Variants in LRCH1 observed in about 807,000 individuals in gnomAD.
LRCH1 encodes the protein leucine-rich repeat and calponin homology domain-containing protein 1.
In LRCH1, 23 loss-of-function variants were observed where a neutral mutation model predicts 94.9. The observed-to-expected ratio is 0.24, with a 90% CI of 0.17 to 0.34. The LOEUF is 0.34. LRCH1 is among the 10% of genes least tolerant of loss of function. The probability of loss-of-function intolerance (pLI) is 1.00; values close to 1 mark genes in which losing one functional copy is unlikely to be tolerated. For missense variants in LRCH1, 790 were observed against 945.9 expected (o/e 0.84, Z 2.16); for synonymous variants, 364 against 354.9 (o/e 1.03, Z -0.29).
intron 8 of LRCH1, 147 bp from the exon 9 acceptor site, chr13:46,694,746 G>A (rs1403960883): frequency 1.1e-5 from 8 of 749,468 alleles, no homozygotes; most frequent in Non-Finnish European, 2.1e-6. Context: ...CCTCCCTGCA[G>A]GGAAGAGAAA....
intron 1 of LRCH1, among the ~76,000 whole-genome samples, chr13:46,622,840 T>G (rs889659690): frequency 2.0e-5 from 3 of 152,352 alleles, no homozygotes; most frequent in South Asian, 4.1e-4. Context: ...GGCTTTTCTG[T>G]TGAGAACGTT....
intron 9 of LRCH1, among the ~76,000 whole-genome samples, chr13:46,698,148 T>C (rs1016565780): frequency 3.9e-5 from 6 of 152,202 alleles, no homozygotes; most frequent in African/African-American, 1.4e-4. Flanking sequence ...GAGTCCAGCA[T>C]TGGGCAGCTA....
intron 1 of LRCH1, among the ~76,000 whole-genome samples, chr13:46,625,664 G>GTT (rs1484145156): frequency 9.0e-5 from 5 of 55,420 alleles, no homozygotes; most frequent in Non-Finnish European, 1.8e-4. Flanking sequence ...GGTCTTGTTT[G>GTT]TTTGTTTGAG....
At chr13:46,708,334 C>T (rs915967233) in intron 13 of LRCH1, among the ~76,000 whole-genome samples, 1 of 147,082 alleles carries the variant, frequency 6.8e-6, no homozygotes, top group East Asian at 2.0e-4. Context: ...TTGAAGTGCA[C>T]AATCTCGGCT....
chr13:46,750,290 A>G (rs1359101485), intron 18 of LRCH1, among the ~76,000 whole-genome samples: 3 of 152,166 alleles, frequency 2.0e-5, no homozygotes, highest in Non-Finnish European at 4.4e-5. Context: ...AAATATTTAG[A>G]TCTGCAGACT....
intron 11 of LRCH1, 58 bp downstream of exon 11, chr13:46,701,265 AG>A: frequency 1.6e-6 from 2 of 1,218,296 alleles, no homozygotes; most frequent in Non-Finnish European, 2.4e-6. Context: ...TAATGTATGG[AG>A]TACATTGTCT....
chr13:46,614,173 A>G (rs2138008900), intron 1 of LRCH1, among the ~76,000 whole-genome samples: 1 of 152,280 alleles, frequency 6.6e-6, no homozygotes, highest in South Asian at 2.1e-4. Flanking sequence ...TATATAATGC[A>G]ATATTATTAA....
At chr13:46,725,530 T>C (rs1275076367) in intron 17 of LRCH1, among the ~76,000 whole-genome samples, 1 of 152,064 alleles carries the variant, frequency 6.6e-6, no homozygotes, top group Non-Finnish European at 1.5e-5. Context: ...TGGGGAGAGA[T>C]AGTAAATAAG....
intron 18 of LRCH1, among the ~76,000 whole-genome samples, chr13:46,733,046 TA>T (rs2138236410): frequency 6.6e-6 from 1 of 152,316 alleles, no homozygotes; most frequent in South Asian, 2.1e-4. Flanking sequence ...TGTGCCTCTA[TA>T]AGACGGAATG....
At chr13:46,659,822 T>TCCCAGAACCAGA (rs1208689250) in intron 2 of LRCH1, among the ~76,000 whole-genome samples, 1 of 152,084 alleles carries the variant, frequency 6.6e-6, no homozygotes, top group Non-Finnish European at 1.5e-5. Context: ...AGTAAATTAG[T>TCCCAGAACCAGA]CCCAGAACCA....
chr13:46,684,228 C>T (rs1870486445), intron 4 of LRCH1, among the ~76,000 whole-genome samples: 1 of 134,734 alleles, frequency 7.4e-6, no homozygotes, highest in South Asian at 2.5e-4. Context: ...TTTTTTCTTA[C>T]TCCCTTTCTC....
At chr13:46,634,537 G>A (rs2051059668) in intron 1 of LRCH1, among the ~76,000 whole-genome samples, 1 of 152,220 alleles carries the variant, frequency 6.6e-6, no homozygotes, top group South Asian at 2.1e-4. Context: ...AATCTGGAGT[G>A]AATTTTCCAC....
Position 46,705,262 on chromosome 13 carries a change from T to C in LRCH1, c.1491-6T>C. ...TATCTTTTTTTTTCTTTCCTTGTTC[T>C]CACAGTGGTCAAATACAGCTGGAGA... On this transcript the variant is annotated splice_region_variant and splice_polypyrimidine_tract_variant and intron_variant, in intron 12 of 19. Coordinates refer to ENST00000389797, the MANE Select transcript of LRCH1 (RefSeq NM_001164211.2). 1 of 1,612,128 alleles carries C rather than the reference T, an allele frequency of 6.2e-7. No individual in the cohort carries two copies. Among genetic ancestry groups the C allele is most frequent in the Non-Finnish European group, 8.5e-7 (1 of 1,179,168 alleles).
In LRCH1 at chr13:46,741,889, A is replaced by G; in HGVS notation, c.*41A>G. On this transcript the variant is annotated 3_prime_UTR_variant, in exon 20 of 20. Transcript: ENST00000389797. ...CCAAACGCTGTGCTCTGTCGCCCTC[A>G]ACCTTTGCAGGGTCCTTCCTACCTT... 2 of 1,611,628 alleles carry G rather than the reference A, an allele frequency of 1.2e-6. No individual in the cohort carries two copies. The highest frequency in any genetic ancestry group is 2.7e-5 in the African/African-American group (2 of 74,982).
At chr13:46,600,345 G>A (rs983723637) in intron 1 of LRCH1, among the ~76,000 whole-genome samples, 2 of 152,142 alleles carry the variant, frequency 1.3e-5, no homozygotes, top group Admixed American at 6.5e-5. Flanking sequence ...TTTTGCAGTC[G>A]TTTTCTCAGA....
In LRCH1 at chr13:46,588,609, T is replaced by C. The variant is rs991879931; in HGVS notation, c.307+34906T>C. On this transcript the variant is annotated intron_variant, in intron 1 of 19. Transcript: ENST00000389797. ...CTCTCTCTCTGTCTTTTTTTTTTTT[T>C]TTTTTTTTGAGACAGTCATCTCGCT... 2.7e-5 allele frequency among the ~76,000 whole-genome samples: 4 copies of C among 149,530 alleles called. No homozygotes were observed. The South Asian group carries it at 6.5e-4, about 24-fold the overall frequency.
intron 1 of LRCH1, among the ~76,000 whole-genome samples, chr13:46,614,795 ACT>A (rs1460830915): frequency 2.0e-5 from 3 of 152,122 alleles, no homozygotes; most frequent in Non-Finnish European, 4.4e-5. Flanking sequence ...AGAAGGACTT[ACT>A]CTATTGTATA....
intron 10 of LRCH1, among the ~76,000 whole-genome samples, chr13:46,700,090 C>A (rs9595515): frequency 1.3e-4 from 20 of 152,114 alleles, no homozygotes; most frequent in Non-Finnish European, 1.0e-4. Context: ...GCAAGATTTA[C>A]AGGGGAGGGG....
chr13:46,581,148 G>A (rs976830943), intron 1 of LRCH1, among the ~76,000 whole-genome samples: 1 of 152,208 alleles, frequency 6.6e-6, no homozygotes, highest in African/African-American at 2.4e-5. Context: ...GCTGCATCAT[G>A]TCATTTGGAA....
Sources: gnomAD v4.1 joint callset for allele counts (sites outside exome capture counted in the v4.1 genomes callset) on GRCh38, gnomAD v4.1.1 for gene constraint, MANE v1.5 for transcripts, NCBI Gene and HGNC (gene_info 2026-07-23, HGNC 2026-07-21) for gene names.